Variants in BTBD9 observed in about 807,000 individuals in gnomAD.
BTBD9 encodes the protein BTB domain containing 9, also known as BTB/POZ domain-containing protein 9.
A neutral mutation model predicts 64.3 loss-of-function variants in BTBD9; 49 were observed. The ratio of observed to expected loss-of-function variants is 0.76; its 90% CI spans 0.61 to 0.97. The LOEUF (loss-of-function observed/expected upper bound fraction) is 0.97. Among genes scored for constraint, BTBD9 ranks in the 50% least tolerant of loss-of-function variants. BTBD9 has a pLI of 0.00. For missense variants in BTBD9, 598 were observed against 762.1 expected (o/e 0.78, Z 2.53); for synonymous variants, 260 against 274.7 (o/e 0.95, Z 0.53).
Position 38,172,169 on chromosome 6 carries a change from A to G in BTBD9, c.*2816T>C, listed in dbSNP as rs9470807. 0.67 allele frequency: 102,151 copies of G among 152,000 alleles called. 35,556 individuals are homozygous for G. Among genetic ancestry groups the G allele is most frequent in the Non-Finnish European group, 0.74 (50,073 of 68,006 alleles). The allele number at this position is 152,000 out of a possible 1,614,324, so 9.4% of individuals were successfully genotyped here. A position where few individuals can be genotyped will look rare whatever the true frequency, so the allele number is the denominator to read the frequency against. On this transcript the variant is annotated 3_prime_UTR_variant, in exon 11 of 11. Coordinates refer to ENST00000481247, the MANE Select transcript of BTBD9 (RefSeq NM_001099272.2). ...GTCTCCTTCACAACCCCCGCTCCCC[A>G]CGGACTGAGCCTCCACTCTCTGCTG...
intron 6 of BTBD9, among the ~76,000 whole-genome samples, chr6:38,487,592 C>CGAGAGAGA (rs70981555): frequency 0.052 from 6,413 of 122,642 alleles, 180 homozygotes; most frequent in Non-Finnish European, 0.068. Flanking sequence ...AGAGAGTCAG[C>CGAGAGAGA]GAGAGAGAGA....
intron 7 of BTBD9, among the ~76,000 whole-genome samples, chr6:38,315,387 G>T (rs1424852199): frequency 6.6e-6 from 1 of 151,134 alleles, no homozygotes; most frequent in Non-Finnish European, 1.5e-5. Flanking sequence ...TTTATTTGAA[G>T]TTTTTCTTCT....
intron 1 of BTBD9, among the ~76,000 whole-genome samples, chr6:38,637,733 C>T (rs1778574943): frequency 6.6e-6 from 1 of 152,164 alleles, no homozygotes; most frequent in African/African-American, 2.4e-5. Context: ...AAAATACATG[C>T]ACATTAGTGA....
chr6:38,468,775 AAT>A (rs1770508655), intron 6 of BTBD9, among the ~76,000 whole-genome samples: 1 of 152,200 alleles, frequency 6.6e-6, no homozygotes, highest in Admixed American at 6.5e-5. Flanking sequence ...CCAATGAATG[AAT>A]ATCACAACCT....
intron 6 of BTBD9, among the ~76,000 whole-genome samples, chr6:38,565,567 GTTGT>G (rs2127460260): frequency 6.6e-6 from 1 of 152,058 alleles, no homozygotes; most frequent in African/African-American, 2.4e-5. Flanking sequence ...CAAGTGCACA[GTTGT>G]TTAATTTTTA....
chr6:38,382,732 A>G (rs1765990725), intron 6 of BTBD9, among the ~76,000 whole-genome samples: 1 of 152,110 alleles, frequency 6.6e-6, no homozygotes, highest in Non-Finnish European at 1.5e-5. Flanking sequence ...AAAACAAAAT[A>G]CTTAAGATGC....
At chr6:38,384,693 C>T (rs149177694) in intron 6 of BTBD9, among the ~76,000 whole-genome samples, 50 of 152,216 alleles carry the variant, frequency 3.3e-4, no homozygotes, top group African/African-American at 1.0e-3. Context: ...TCCTAAATAA[C>T]CTAACATTTC....
intron 1 of BTBD9, among the ~76,000 whole-genome samples, chr6:38,624,321 C>A (rs889337341): frequency 6.6e-6 from 1 of 152,188 alleles, no homozygotes; most frequent in East Asian, 1.9e-4. Flanking sequence ...CCCTTCCACA[C>A]TGTGGAAGCT....
At chr6:38,460,632 T>C (rs1196577450) in intron 6 of BTBD9, among the ~76,000 whole-genome samples, 1 of 152,190 alleles carries the variant, frequency 6.6e-6, no homozygotes, top group Admixed American at 6.5e-5. Context: ...GTTTTTGTTT[T>C]TGTTTTTTTG....
At chr6:38,436,906 G>A (rs779971478) in intron 6 of BTBD9, among the ~76,000 whole-genome samples, 1 of 152,164 alleles carries the variant, frequency 6.6e-6, no homozygotes, top group African/African-American at 2.4e-5. Flanking sequence ...AGTCTACAAC[G>A]ATGATGATAG....
chr6:38,637,586 GA>G (rs1374950884), intron 1 of BTBD9, among the ~76,000 whole-genome samples: 2 of 152,142 alleles, frequency 1.3e-5, no homozygotes, highest in Non-Finnish European at 2.9e-5. Context: ...AAACCTCAGA[GA>G]GATAATCCCA....
intron 7 of BTBD9, among the ~76,000 whole-genome samples, chr6:38,318,879 C>T (rs910771217): frequency 4.6e-5 from 7 of 152,350 alleles, no homozygotes; most frequent in Admixed American, 4.6e-4. Flanking sequence ...AGGCCCCATG[C>T]AGGTCCAGAG....
intron 6 of BTBD9, among the ~76,000 whole-genome samples, chr6:38,440,281 C>A (rs980123761): frequency 6.6e-6 from 1 of 152,110 alleles, no homozygotes; most frequent in Non-Finnish European, 1.5e-5. Context: ...AAGGAGGAAC[C>A]GGCAAAACGC....
chr6:38,625,906 T>C (rs765190524), intron 1 of BTBD9, among the ~76,000 whole-genome samples: 1 of 152,200 alleles, frequency 6.6e-6, no homozygotes, highest in East Asian at 1.9e-4. Flanking sequence ...ATACTATCAT[T>C]TTCCTTCTCA....
At chr6:38,337,589 C>T (rs955263416) in intron 7 of BTBD9, among the ~76,000 whole-genome samples, 4 of 152,226 alleles carry the variant, frequency 2.6e-5, no homozygotes, top group African/African-American at 9.6e-5. Context: ...CAAATCAATA[C>T]TTAACCTTTC....
At chr6:38,550,671 T>A (rs897547415) in intron 6 of BTBD9, among the ~76,000 whole-genome samples, 1 of 152,160 alleles carries the variant, frequency 6.6e-6, no homozygotes, top group African/African-American at 2.4e-5. Flanking sequence ...GGCTCTACCT[T>A]TAAAATATGG....
At chr6:38,600,267 A>C (rs1175537239) in intron 1 of BTBD9, among the ~76,000 whole-genome samples, 1 of 152,230 alleles carries the variant, frequency 6.6e-6, no homozygotes, top group African/African-American at 2.4e-5. Context: ...GGAAATAAGA[A>C]AATGAATAAA....
intron 6 of BTBD9, among the ~76,000 whole-genome samples, chr6:38,556,673 T>C (rs1043160586): frequency 6.6e-6 from 1 of 151,404 alleles, no homozygotes; most frequent in Non-Finnish European, 1.5e-5. Context: ...CAAAAAAAGA[T>C]AATACCACAA....
At chr6:38,367,305 T>TATACATA (rs1312696734) in intron 6 of BTBD9, among the ~76,000 whole-genome samples, 1 of 152,198 alleles carries the variant, frequency 6.6e-6, no homozygotes, top group African/African-American at 2.4e-5. Context: ...AGATTAGAAA[T>TATACATA]ATACATAATA....
Sources: gnomAD v4.1 joint callset for allele counts (sites outside exome capture counted in the v4.1 genomes callset) on GRCh38, gnomAD v4.1.1 for gene constraint, MANE v1.5 for transcripts, NCBI Gene and HGNC (gene_info 2026-07-23, HGNC 2026-07-21) for gene names.